Variants in CAPN11 observed in about 807,000 individuals in gnomAD.
The protein encoded by CAPN11 is calpain 11.
Under a neutral mutation model 105.3 loss-of-function variants are expected in CAPN11, and 108 were observed. The ratio of observed to expected loss-of-function variants is 1.03; its 90% CI spans 0.88 to 1.20. The LOEUF is 1.20. Among genes scored for constraint, CAPN11 ranks in the 50% most tolerant of loss-of-function variants. The probability of loss-of-function intolerance (pLI) is 0.00; values close to 1 mark genes in which losing one functional copy is unlikely to be tolerated. For synonymous variants in CAPN11, 329 were observed against 344.5 expected, an observed-to-expected ratio of 0.96 and a Z score of 0.50; for missense variants, 883 against 924.8, an observed-to-expected ratio of 0.95 and a Z score of 0.59.
At chr6:44,179,579 C>T (rs1051018147) in intron 12 of CAPN11, 40 bp from the exon 13 acceptor site, 3 of 1,605,340 alleles carry the variant, frequency 1.9e-6, no homozygotes, top group Admixed American at 1.7e-5. Flanking sequence ...GGCCCTTCAC[C>T]ACCCTAGAGA....
intron 3 of CAPN11, 118 bp from the exon 4 acceptor site, chr6:44,169,788 T>C: frequency 1.2e-6 from 1 of 867,964 alleles, no homozygotes; most frequent in Non-Finnish European, 1.9e-6. Flanking sequence ...ACCCTCTCCC[T>C]GCCCCTCATA....
Position 44,176,329 on chromosome 6 carries a change from G to C in CAPN11, c.992G>C (p.Trp331Ser), listed in dbSNP as rs1426739668. 6.2e-7 allele frequency: 1 copy of C among 1,613,666 alleles called. No individual in the cohort carries two copies. The highest frequency in any genetic ancestry group is 8.5e-7 in the Non-Finnish European group (1 of 1,179,748). ...PWGRIEWNGA[W>S]SDSAREWEEV... ...GGCCGGATTGAGTGGAATGGAGCTT[G>C]GAGTGACAGGTAGGTGTCCCCAACC... The change falls in exon 9 of 23, where the codon TGG becomes TCG. Residue 331 changes from tryptophan (W) to serine (S), a missense_variant. By Grantham distance (177) the Trp-to-Ser change is radical. Transcript: ENST00000398776.
chr6:44,167,588 T>G (rs1222763976), intron 2 of CAPN11, among the ~76,000 whole-genome samples: 1 of 148,664 alleles, frequency 6.7e-6, no homozygotes, highest in Non-Finnish European at 1.5e-5. Flanking sequence ...GAGAGACAAT[T>G]CAAATACCCT....
intron 7 of CAPN11, among the ~76,000 whole-genome samples, chr6:44,174,390 A>G (rs895074079): frequency 6.6e-6 from 1 of 152,038 alleles, no homozygotes; most frequent in African/African-American, 2.4e-5. Context: ...GAAAAAAGCC[A>G]ACCCTAGCCA....
Position 44,181,330 on chromosome 6 carries a change from A to C in CAPN11, c.1938+10A>C. ...ACTCAAGAAATGGATGGTAAAGGGC[A>C]CTAAAGGGGCAGCCTCCAGGGGTGA... is the stretch of plus-strand genomic sequence containing the variant. On this transcript the variant is annotated intron_variant, in intron 19 of 22. Coordinates refer to ENST00000398776, the MANE Select transcript of CAPN11 (RefSeq NM_007058.4). 1 of 1,612,526 alleles carries C rather than the reference A, an allele frequency of 6.2e-7. No individual in the cohort carries two copies.
intron 1 of CAPN11, among the ~76,000 whole-genome samples, chr6:44,162,346 C>T (rs867003523): frequency 6.7e-6 from 1 of 149,358 alleles, no homozygotes; most frequent in Admixed American, 6.8e-5. Flanking sequence ...CCGCAGCCCC[C>T]CTCACAGTCT....
chr6:44,165,943 C>T (rs1376624872), intron 1 of CAPN11, among the ~76,000 whole-genome samples: 1 of 152,012 alleles, frequency 6.6e-6, no homozygotes, highest in Non-Finnish European at 1.5e-5. Flanking sequence ...CATTTGAGGT[C>T]TGGGGGTTGT....
chr6:44,159,518 A>G (rs1377160638), intron 1 of CAPN11, among the ~76,000 whole-genome samples: 1 of 152,024 alleles, frequency 6.6e-6, no homozygotes, highest in Non-Finnish European at 1.5e-5. Context: ...GGGCACCGTG[A>G]GACCATGGGC....
intron 19 of CAPN11, among the ~76,000 whole-genome samples, chr6:44,182,353 G>A (rs1478338577): frequency 2.7e-5 from 4 of 147,048 alleles, no homozygotes; most frequent in African/African-American, 7.5e-5. Flanking sequence ...CACATGAAAA[G>A]GGTCTGTTGG....
intron 10 of CAPN11, 56 bp downstream of exon 10, chr6:44,176,711 C>A (rs1458113156): frequency 1.1e-5 from 17 of 1,559,094 alleles, no homozygotes; most frequent in South Asian, 2.4e-5. Flanking sequence ...GGTCCTTCAT[C>A]TCCCTGCTCC....
At chr6:44,173,523 A>G (rs929553658) in intron 7 of CAPN11, 137 bp downstream of exon 7, 2 of 554,274 alleles carry the variant, frequency 3.6e-6, no homozygotes, top group African/African-American at 4.0e-5. Flanking sequence ...AGCCTTCCCT[A>G]CCTCCCCGTC....
intron 7 of CAPN11, among the ~76,000 whole-genome samples, chr6:44,175,208 G>A (rs570832857): frequency 3.9e-5 from 6 of 152,166 alleles, no homozygotes; most frequent in African/African-American, 1.2e-4. Context: ...GGCTGGGCAC[G>A]GTGCCTCACA....
rs184793254 is a variant in CAPN11, at chr6:44,168,943, G to A, written c.89-338G>A. 9.7e-4 allele frequency: 442 copies of A among 456,766 alleles called. 2 individuals carry two copies. The highest frequency in any genetic ancestry group is 6.7e-3 in the African/African-American group (334 of 50,080). The allele number at this position is 456,766 out of a possible 1,614,324, so 28.3% of individuals were successfully genotyped here. On this transcript the variant is annotated intron_variant, in intron 2 of 22. Transcript: ENST00000398776. The stretch of plus-strand genomic sequence containing the variant: ...GCCTATTTATTTATTTTTTTTTAGA[G>A]ACAAGGTCTTGCTCTGTCACCCAGA...
chr6:44,181,356 G>T, intron 19 of CAPN11, 36 bp downstream of exon 19: 2 of 1,581,838 alleles, frequency 1.3e-6, no homozygotes, highest in Non-Finnish European at 8.7e-7. Context: ...CCAGGGGTGA[G>T]GAAAAGAGGG....
chr6:44,172,890 C>T (rs902175705), intron 5 of CAPN11, 50 bp from the exon 6 acceptor site: 2 of 1,591,482 alleles, frequency 1.3e-6, no homozygotes, highest in Non-Finnish European at 8.6e-7. Context: ...CACTAGGAGG[C>T]GCTTGATGAT....
In CAPN11 at chr6:44,179,940, G is replaced by A; in HGVS notation, c.1429-12G>A. On this transcript the variant is annotated splice_polypyrimidine_tract_variant and intron_variant, in intron 13 of 22. Coordinates refer to ENST00000398776, the MANE Select transcript of CAPN11 (RefSeq NM_007058.4). ...CATGCCAGTCCTGTACCCACTTCCA[G>A]GATGCATATAGTTTCAGAACATTCA... The A allele has an allele frequency of 6.2e-7, 1 of 1,600,376 alleles. No homozygotes were observed. The highest frequency in any genetic ancestry group is 1.7e-4 in the Middle Eastern group (1 of 6,030).
At chr6:44,177,492 CTTT>C (rs386406895) in intron 12 of CAPN11, 72 bp downstream of exon 12, 21 of 1,044,098 alleles carry the variant, frequency 2.0e-5, no homozygotes, top group South Asian at 5.6e-5. Flanking sequence ...TTCTTTCTTT[CTTT>C]TTTTTTTTTC....
At chr6:44,166,432 C>T (rs1212296646) in intron 1 of CAPN11, among the ~76,000 whole-genome samples, 2 of 152,150 alleles carry the variant, frequency 1.3e-5, no homozygotes, top group Non-Finnish European at 2.9e-5. Context: ...TGCAGGTACC[C>T]CCTTGTAGGG....
At chr6:44,182,839 G>A (rs1246051922) in intron 19 of CAPN11, 102 bp from the exon 20 acceptor site, 3 of 805,546 alleles carry the variant, frequency 3.7e-6, no homozygotes, top group Non-Finnish European at 6.2e-6. Flanking sequence ...CTTTCAAAGT[G>A]CTGGGATTAC....
Sources: gnomAD v4.1 joint callset for allele counts (sites outside exome capture counted in the v4.1 genomes callset) on GRCh38, gnomAD v4.1.1 for gene constraint, MANE v1.5 for transcripts, NCBI Gene and HGNC (gene_info 2026-07-23, HGNC 2026-07-21) for gene names.